Variants in CSMD2 observed in about 807,000 individuals in gnomAD.
CSMD2 encodes CUB and Sushi multiple domains 2, also known as CUB and sushi domain-containing protein 2.
Under a neutral mutation model 398.5 loss-of-function variants are expected in CSMD2, and 130 were observed. The observed-to-expected ratio is 0.33, with a 90% CI of 0.28 to 0.38. The LOEUF (loss-of-function observed/expected upper bound fraction) is 0.38. Ranked by LOEUF, CSMD2 falls within the 10% of genes least tolerant of loss-of-function variation. The pLI is 1.00. For synonymous variants in CSMD2, 1,828 were observed against 1,908.5 expected, an observed-to-expected ratio of 0.96 and a Z score of 1.10; for missense variants, 3,829 against 4,764.9, an observed-to-expected ratio of 0.80 and a Z score of 5.78.
At chr1:33,520,075 C>T (rs1654126925) in intron 68 of CSMD2, 125 bp from the exon 69 acceptor site, 2 of 1,136,442 alleles carry the variant, frequency 1.8e-6, no homozygotes, top group Non-Finnish European at 2.5e-6. Flanking sequence ...CACTCCTGCT[C>T]AGCACGGGAG....
At chr1:33,711,913 C>T (rs1288359771) in intron 21 of CSMD2, among the ~76,000 whole-genome samples, 6 of 152,074 alleles carry the variant, frequency 3.9e-5, no homozygotes, top group Admixed American at 3.9e-4. Context: ...GTCCTGGGCA[C>T]CAGGGAGGGG....
chr1:34,000,757 C>G (rs959438309), intron 3 of CSMD2, among the ~76,000 whole-genome samples: 2 of 152,152 alleles, frequency 1.3e-5, no homozygotes, highest in African/African-American at 4.8e-5. Flanking sequence ...TTCAGAAAAC[C>G]ACTGTTGTCT....
chr1:33,736,413 G>A (rs1305623819), intron 15 of CSMD2, among the ~76,000 whole-genome samples: 4 of 151,876 alleles, frequency 2.6e-5, no homozygotes, highest in African/African-American at 7.3e-5. Flanking sequence ...CCTGGGAGGT[G>A]GAGCTTGCAG....
chr1:33,753,916 C>T (rs1648621337), intron 13 of CSMD2, among the ~76,000 whole-genome samples: 1 of 152,176 alleles, frequency 6.6e-6, no homozygotes, highest in Non-Finnish European at 1.5e-5. Flanking sequence ...AGAATGTTTG[C>T]CAAATGTCTG....
chr1:33,607,951 G>C lies in CSMD2; in HGVS notation c.6344-2481C>G, dbSNP rs370467468. 3.5e-4 allele frequency among the ~76,000 whole-genome samples: 53 copies of C among 152,320 alleles called. No homozygotes were observed. In the East Asian group the frequency reaches 6.9e-3, roughly 20 times the overall value. Reference sequence around the variant, plus strand: ...ACTCGCTGCCCCCTGGCCTCCCTACGCAGGGAAAGTTATCAGAGGAGGACT... The same window carrying C: ...ACTCGCTGCCCCCTGGCCTCCCTACCCAGGGAAAGTTATCAGAGGAGGACT... On this transcript the variant is annotated intron_variant, in intron 41 of 70. Coordinates refer to ENST00000373381, the MANE Select transcript of CSMD2 (RefSeq NM_001281956.2).
intron 3 of CSMD2, among the ~76,000 whole-genome samples, chr1:34,018,300 G>A (rs543533085): frequency 3.1e-4 from 47 of 152,214 alleles, no homozygotes; most frequent in Admixed American, 1.2e-3. Flanking sequence ...CCTACTGTTG[G>A]ACATTTTTAC....
At chr1:33,967,689 A>G (rs1048286381) in intron 3 of CSMD2, among the ~76,000 whole-genome samples, 5 of 152,218 alleles carry the variant, frequency 3.3e-5, no homozygotes, top group African/African-American at 1.2e-4. Context: ...GGCCTTCCCG[A>G]TGAGAGTAGG....
chr1:33,669,602 C>A (rs1644425496), intron 25 of CSMD2, among the ~76,000 whole-genome samples: 1 of 152,216 alleles, frequency 6.6e-6, no homozygotes, highest in Non-Finnish European at 1.5e-5. Context: ...GGAAGTTCCC[C>A]CTGCAAATGG....
intron 19 of CSMD2, among the ~76,000 whole-genome samples, chr1:33,720,698 T>G (rs1646332183): frequency 2.0e-5 from 3 of 152,128 alleles, no homozygotes; most frequent in Admixed American, 2.0e-4. Context: ...TTTATTTTAT[T>G]TTATTTCTTA....
chr1:33,868,371 C>T (rs1027761107), intron 5 of CSMD2, among the ~76,000 whole-genome samples: 2 of 152,160 alleles, frequency 1.3e-5, no homozygotes, highest in South Asian at 2.1e-4. Context: ...ATAACAGCAA[C>T]TATTCTGGTG....
At chr1:34,034,568 A>C (rs1009426136) in intron 2 of CSMD2, among the ~76,000 whole-genome samples, 1 of 152,148 alleles carries the variant, frequency 6.6e-6, no homozygotes, top group African/African-American at 2.4e-5. Context: ...GAGAAACAGA[A>C]CCCTGATGAT....
intron 3 of CSMD2, among the ~76,000 whole-genome samples, chr1:33,951,838 G>A (rs576018012): frequency 2.6e-5 from 4 of 152,242 alleles, no homozygotes; most frequent in South Asian, 2.1e-4. Flanking sequence ...CTGCTCCTTC[G>A]TCACCTCTCC....
At chr1:33,898,629 T>C (rs1162222523) in intron 5 of CSMD2, among the ~76,000 whole-genome samples, 64 of 152,130 alleles carry the variant, frequency 4.2e-4, no homozygotes. Context: ...ACTTGTCAAC[T>C]TCCCTATGAA....
intron 5 of CSMD2, among the ~76,000 whole-genome samples, chr1:33,908,602 G>GCAGAGCC (rs1332376117): frequency 3.9e-5 from 6 of 152,262 alleles, no homozygotes; most frequent in Non-Finnish European, 8.8e-5. Context: ...ACAAGCTTTA[G>GCAGAGCC]CAGAGCCGCT....
chr1:33,768,636 T>C (rs1380807253), intron 13 of CSMD2, among the ~76,000 whole-genome samples: 1 of 150,938 alleles, frequency 6.6e-6, no homozygotes. Context: ...GACAGGAAGA[T>C]ACTAGCAGAG....
intron 4 of CSMD2, among the ~76,000 whole-genome samples, chr1:33,920,139 A>T (rs12030787): frequency 0.17 from 25,812 of 152,066 alleles, 2,622 homozygotes; most frequent in African/African-American, 0.28. Context: ...AGAGAGGAAG[A>T]CACATGGTTA....
In CSMD2 at chr1:33,921,037, T is replaced by A. The variant is rs566836596; in HGVS notation, c.713-2736A>T. 2.0e-5 allele frequency among the ~76,000 whole-genome samples: 3 copies of A among 152,234 alleles called. No homozygotes were observed. The East Asian group carries it at 5.8e-4, about 29-fold the overall frequency. On this transcript the variant is annotated intron_variant, in intron 4 of 70. Coordinates refer to ENST00000373381, the MANE Select transcript of CSMD2 (RefSeq NM_001281956.2). ...ACTTATTAGGCAGGACCGTCTGAAC[T>A]GAAAGGGACATGCAGAGATGACAGA...
chr1:34,140,182 A>G (rs1325558705), intron 1 of CSMD2, among the ~76,000 whole-genome samples: 1 of 152,012 alleles, frequency 6.6e-6, no homozygotes, highest in Non-Finnish European at 1.5e-5. Context: ...ATTCTATGAG[A>G]ATGATTTAGA....
chr1:33,953,944 G>T (rs150193919), intron 3 of CSMD2, among the ~76,000 whole-genome samples: 1 of 152,116 alleles, frequency 6.6e-6, no homozygotes, highest in East Asian at 1.9e-4. Context: ...AGTGATTCTG[G>T]TTCCCTGCCA....
Sources: gnomAD v4.1 joint callset for allele counts (sites outside exome capture counted in the v4.1 genomes callset) on GRCh38, gnomAD v4.1.1 for gene constraint, MANE v1.5 for transcripts, NCBI Gene and HGNC (gene_info 2026-07-23, HGNC 2026-07-21) for gene names.